RBFOX1: variants seen among roughly 807,000 people sequenced by gnomAD.
RBFOX1 encodes RNA binding protein fox-1 homolog 1.
A neutral mutation model predicts 57.7 loss-of-function variants in RBFOX1; 8 were observed. That is an observed-to-expected ratio of 0.14 (90% CI 0.08 to 0.25). The LOEUF (loss-of-function observed/expected upper bound fraction) is 0.25. RBFOX1 is among the 10% of genes least tolerant of loss of function. The pLI is 1.00. For missense variants in RBFOX1, 611 were observed against 548.5 expected (o/e 1.11, Z -1.14); for synonymous variants, 326 against 222.4 (o/e 1.47, Z -4.15).
At chr16:5,400,368 C>T (rs554104475) in intron 1 of RBFOX1, among the ~76,000 whole-genome samples, 1 of 152,232 alleles carries the variant, frequency 6.6e-6, no homozygotes, top group African/African-American at 2.4e-5. Flanking sequence ...GCTGGGGTTA[C>T]AGGCGTGAGC....
At chr16:5,826,153 T>C (rs1453992023) in intron 3 of RBFOX1, among the ~76,000 whole-genome samples, 1 of 148,190 alleles carries the variant, frequency 6.7e-6, no homozygotes, top group Non-Finnish European at 1.5e-5. Context: ...TATATTATTA[T>C]ATATAACATA....
chr16:6,790,440 C>T lies in RBFOX1; in HGVS notation c.-16+135790C>T, dbSNP rs374885504. Reference sequence around the variant, plus strand: ...CCTCAGGTGATCTACCCACCTCGGCCTCCCAAAGTGCTGGGAATACAGGCG... The same window carrying T: ...CCTCAGGTGATCTACCCACCTCGGCTTCCCAAAGTGCTGGGAATACAGGCG... On this transcript the variant is annotated intron_variant, in intron 3 of 15. Coordinates refer to ENST00000550418, the MANE Select transcript of RBFOX1 (RefSeq NM_018723.4). 6.0e-4 allele frequency among the ~76,000 whole-genome samples: 91 copies of T among 152,242 alleles called. 2 individuals carry two copies. The highest frequency in any genetic ancestry group is 1.9e-3 in the African/African-American group (81 of 41,548).
intron 3 of RBFOX1, among the ~76,000 whole-genome samples, chr16:6,899,131 ATATG>A (rs2067791780): frequency 6.6e-6 from 1 of 151,274 alleles, no homozygotes; most frequent in African/African-American, 2.4e-5. Flanking sequence ...GCATATGTGT[ATATG>A]TGTGTATGGA....
At chr16:6,799,169 G>C (rs896398564) in intron 3 of RBFOX1, among the ~76,000 whole-genome samples, 1 of 152,098 alleles carries the variant, frequency 6.6e-6, no homozygotes, top group East Asian at 1.9e-4. Flanking sequence ...GCTCAGGAAA[G>C]AATTCAAAAG....
At chr16:7,218,480 A>G (rs528568420) in intron 4 of RBFOX1, among the ~76,000 whole-genome samples, 8 of 152,316 alleles carry the variant, frequency 5.3e-5, no homozygotes, top group African/African-American at 1.9e-4. Flanking sequence ...GAAGAGGCAT[A>G]GTTGAGAGAG....
chr16:7,069,672 G>T (rs552061292), intron 4 of RBFOX1, among the ~76,000 whole-genome samples: 3 of 152,160 alleles, frequency 2.0e-5, no homozygotes, highest in African/African-American at 7.2e-5. Context: ...GGACTTAGTG[G>T]ATCGTGCCCC....
chr16:7,579,028 G>A (rs552268508), intron 5 of RBFOX1, among the ~76,000 whole-genome samples: 3 of 152,168 alleles, frequency 2.0e-5, no homozygotes, highest in African/African-American at 4.8e-5. Flanking sequence ...AGATGGAAAC[G>A]TTCTGTATTT....
chr16:5,952,185 C>T (rs1025643296), intron 4 of RBFOX1, among the ~76,000 whole-genome samples: 18 of 151,232 alleles, frequency 1.2e-4, no homozygotes, highest in African/African-American at 4.4e-4. Flanking sequence ...AAGTCTCACT[C>T]TGTTTCCCTG....
rs937900282 is a variant in RBFOX1, at chr16:6,498,270, A to G, written c.-63-156333A>G. Among the ~76,000 whole-genome samples the G allele has an allele frequency of 4.0e-5, 6 of 151,524 alleles. No individual in the cohort carries two copies. In the South Asian group the frequency reaches 1.3e-3, roughly 32 times the overall value. On this transcript the variant is annotated intron_variant, in intron 2 of 15. Transcript: ENST00000550418. ...CCGTCTCAAAACAAAAAAAAAAAAAAGGATGACAATTCCAGATAGCTATTC... is the reference window on the plus strand; with the variant it reads ...CCGTCTCAAAACAAAAAAAAAAAAAGGGATGACAATTCCAGATAGCTATTC...
chr16:7,387,985 G>T (rs1268281526), intron 4 of RBFOX1, among the ~76,000 whole-genome samples: 6 of 151,896 alleles, frequency 4.0e-5, no homozygotes, highest in Non-Finnish European at 5.9e-5. Flanking sequence ...TTCAGCTATT[G>T]TGGGGGGAAA....
chr16:6,995,179 G>T (rs558006810), intron 3 of RBFOX1, among the ~76,000 whole-genome samples: 2 of 152,068 alleles, frequency 1.3e-5, no homozygotes, highest in Non-Finnish European at 2.9e-5. Flanking sequence ...CTCTTACAGT[G>T]TGGCTTTACA....
intron 3 of RBFOX1, among the ~76,000 whole-genome samples, chr16:6,821,269 A>G (rs1046998071): frequency 3.9e-5 from 6 of 152,210 alleles, no homozygotes; most frequent in Admixed American, 1.3e-4. Flanking sequence ...AACCAGGGCT[A>G]TCACCTGGGT....
intron 5 of RBFOX1, among the ~76,000 whole-genome samples, chr16:7,530,156 C>T (rs571628730): frequency 8.1e-4 from 123 of 152,128 alleles, no homozygotes; most frequent in Non-Finnish European, 1.5e-3. Flanking sequence ...TCTTATCTTC[C>T]TGCTTCATTT....
chr16:7,691,015 C>T (rs575983105), intron 14 of RBFOX1, among the ~76,000 whole-genome samples: 1 of 152,084 alleles, frequency 6.6e-6, no homozygotes, highest in Admixed American at 6.6e-5. Flanking sequence ...AGTGATCACA[C>T]AGATTGAATT....
At chr16:6,348,144 T>C (rs1373712131) in intron 2 of RBFOX1, among the ~76,000 whole-genome samples, 1 of 152,136 alleles carries the variant, frequency 6.6e-6, no homozygotes, top group Non-Finnish European at 1.5e-5. Flanking sequence ...AGGTCTTTGC[T>C]CTTGGTTTTG....
intron 2 of RBFOX1, among the ~76,000 whole-genome samples, chr16:6,639,711 C>A (rs1419729620): frequency 6.6e-6 from 1 of 152,068 alleles, no homozygotes; most frequent in Non-Finnish European, 1.5e-5. Flanking sequence ...CCTGTCTCTA[C>A]TAAAAATACA....
chr16:5,834,428 T>C (rs781388444), intron 3 of RBFOX1, among the ~76,000 whole-genome samples: 6 of 152,218 alleles, frequency 3.9e-5, no homozygotes, highest in African/African-American at 1.4e-4. Context: ...CAAAAGATAG[T>C]ATTTTGTTCT....
chr16:6,679,652 CT>C (rs1462238590), intron 3 of RBFOX1, among the ~76,000 whole-genome samples: 3 of 152,126 alleles, frequency 2.0e-5, no homozygotes, highest in African/African-American at 7.2e-5. Context: ...TTGCTCAAAA[CT>C]TTAAAACACC....
intron 2 of RBFOX1, among the ~76,000 whole-genome samples, chr16:6,480,288 A>G (rs558890544): frequency 6.6e-6 from 1 of 152,340 alleles, no homozygotes; most frequent in South Asian, 2.1e-4. Context: ...AGTTATATGT[A>G]TACATGTTAT....
Sources: gnomAD v4.1 joint callset for allele counts (sites outside exome capture counted in the v4.1 genomes callset) on GRCh38, gnomAD v4.1.1 for gene constraint, MANE v1.5 for transcripts, NCBI Gene and HGNC (gene_info 2026-07-23, HGNC 2026-07-21) for gene names.